PPARGC1B: variants seen among roughly 807,000 people sequenced by gnomAD.
The protein encoded by PPARGC1B is PPARG coactivator 1 beta.
In PPARGC1B, 34 loss-of-function variants were observed where a neutral mutation model predicts 101.6. The observed-to-expected ratio is 0.33, with a 90% CI of 0.25 to 0.45. PPARGC1B has a LOEUF of 0.45. Among genes scored for constraint, PPARGC1B ranks in the 20% least tolerant of loss-of-function variants. PPARGC1B has a pLI of 1.00. For missense variants in PPARGC1B, 1,234 were observed against 1,317.6 expected (o/e 0.94, Z 0.98); for synonymous variants, 548 against 539.3 (o/e 1.02, Z -0.22).
chr5:149,772,584 C>T lies in PPARGC1B; in HGVS notation c.78+42164C>T, dbSNP rs569181567. ...CTCTCCTTGGCTTGTAGATGGGCAT[C>T]TTTCCCCTGTGAGTTCACGTGGTCT... On this transcript the variant is annotated intron_variant, in intron 1 of 11. Transcript: ENST00000309241. Among the ~76,000 whole-genome samples the T allele has an allele frequency of 2.0e-5, 3 of 152,292 alleles. 1 individual carries two copies. In the South Asian group the frequency reaches 6.2e-4, roughly 32 times the overall value.
At position 149,772,314 on chromosome 5, in the gene PPARGC1B, G is replaced by A. The variant is rs534689282; in HGVS notation, c.78+41894G>A. Among the ~76,000 whole-genome samples, 9 of 152,306 alleles carry A rather than the reference G, an allele frequency of 5.9e-5. No homozygotes were observed. The East Asian group carries it at 9.6e-4, about 16-fold the overall frequency. ...GTGTGCGTGATGTGCTGGCTGTCTCGGGATGCGGTGTTTGTGCTGGTGATG... is the reference window on the plus strand; with the variant it reads ...GTGTGCGTGATGTGCTGGCTGTCTCAGGATGCGGTGTTTGTGCTGGTGATG... On this transcript the variant is annotated intron_variant, in intron 1 of 11. Coordinates refer to ENST00000309241, the MANE Select transcript of PPARGC1B (RefSeq NM_133263.4).
At position 149,847,365 on chromosome 5, in the gene PPARGC1B, G is replaced by A. The variant is rs558951934; in HGVS notation, c.2972-93G>A. 3.2e-6 allele frequency: 3 copies of A among 929,534 alleles called. No individual in the cohort carries two copies. In the East Asian group the frequency reaches 7.2e-5, roughly 22 times the overall value. The allele number at this position is 929,534 out of a possible 1,614,324, so 57.6% of individuals were successfully genotyped here. ...CCTTGGGCTGCAGCCACTCCACGGT[G>A]CCCACTCATAGTGGCAGATTCTTCA... On this transcript the variant is annotated intron_variant, in intron 11 of 11. Coordinates refer to ENST00000309241, the MANE Select transcript of PPARGC1B (RefSeq NM_133263.4).
rs369017642 is a variant in PPARGC1B, at chr5:149,847,486, G to A, written c.3000G>A (p.Ala1000=). The A allele has an allele frequency of 4.3e-5, 69 of 1,614,068 alleles. No homozygotes were observed. The highest frequency in any genetic ancestry group is 1.2e-4 in the South Asian group (11 of 91,082). Reference sequence around the variant, plus strand: ...CCAATTCAGAAGAGGCCCTTCCTGCGTCAGGGAAAAGCAAGTATGAAGCCA... The same window carrying A: ...CCAATTCAGAAGAGGCCCTTCCTGCATCAGGGAAAAGCAAGTATGAAGCCA... ...YDSNSEEALP[A]SGKSKYEAMD... The change falls in exon 12 of 12, where the codon GCG becomes GCA. Residue 1000 remains alanine (A), a synonymous_variant. Transcript: ENST00000309241.
chr5:149,807,698 G>A (rs1460977311), intron 1 of PPARGC1B, among the ~76,000 whole-genome samples: 1 of 152,182 alleles, frequency 6.6e-6, no homozygotes, highest in African/African-American at 2.4e-5. Flanking sequence ...TTTAATAACA[G>A]TTCCTGGAGA....
rs1327144221 is a variant in PPARGC1B, at chr5:149,833,795, G to T, written c.1705+17G>T. 2 of 1,474,996 alleles carry T rather than the reference G, an allele frequency of 1.4e-6. No individual in the cohort carries two copies. The highest frequency in any genetic ancestry group is 1.8e-6 in the Non-Finnish European group (2 of 1,117,130). 91.4% of individuals were successfully genotyped at this position (1,474,996 alleles called of 1,614,324 possible). ...CTCCCAGAGGTAGTCAGAGTTGGTG[G>T]TCTGCGAAGTGGGGGCAGGGATGGG... On this transcript the variant is annotated intron_variant, in intron 5 of 11. Transcript: ENST00000309241. This position sits in a 1 kb window ranked among gnomAD's most constrained non-coding sequence, Gnocchi z 4.1.
rs1388237656 is a variant in PPARGC1B at position 149,851,346 on chromosome 5, C to T, written c.*3788C>T. On this transcript the variant is annotated 3_prime_UTR_variant, in exon 12 of 12. Transcript: ENST00000309241. ...TCTGCATGGACAGCTCAGTCCATGG[C>T]CCATCCCAGGTATAGAGTTCAGTTA... is the stretch of plus-strand genomic sequence containing the variant. The T allele has an allele frequency of 6.6e-6, 1 of 152,156 alleles. No individual in the cohort carries two copies. The allele number at this position is 152,156 out of a possible 1,614,324, so 9.4% of individuals were successfully genotyped here.
intron 1 of PPARGC1B, among the ~76,000 whole-genome samples, chr5:149,780,422 G>C (rs10051894): frequency 9.9e-5 from 15 of 152,090 alleles, no homozygotes; most frequent in African/African-American, 2.9e-4. Flanking sequence ...GCTCTCCACT[G>C]TCTCAGCATT....
chr5:149,772,295 G>A (rs1756163449), intron 1 of PPARGC1B, among the ~76,000 whole-genome samples: 1 of 152,168 alleles, frequency 6.6e-6, no homozygotes, highest in Admixed American at 6.5e-5. Context: ...GGTAGTGTGC[G>A]TGATGTGCTG....
chr5:149,771,216 C>T (rs114510479), intron 1 of PPARGC1B, among the ~76,000 whole-genome samples: 2,315 of 152,316 alleles, frequency 0.015, 76 homozygotes, highest in African/African-American at 0.054. Context: ...TGCAGGCAGC[C>T]ACTGCCTGGT....
chr5:149,812,439 T>C (rs996561909), intron 1 of PPARGC1B, among the ~76,000 whole-genome samples: 1 of 147,582 alleles, frequency 6.8e-6, no homozygotes, highest in East Asian at 1.9e-4. Context: ...TGGGTTTTTT[T>C]CATAAGGTAA....
At chr5:149,733,818 A>G (rs1044020716) in intron 1 of PPARGC1B, among the ~76,000 whole-genome samples, 4 of 152,370 alleles carry the variant, frequency 2.6e-5, no homozygotes, top group African/African-American at 9.6e-5. Flanking sequence ...TCATAGATGC[A>G]CAAAATGTCA....
intron 1 of PPARGC1B, among the ~76,000 whole-genome samples, chr5:149,801,076 G>GGA (rs773185607): frequency 1.3e-5 from 2 of 152,136 alleles, no homozygotes; most frequent in Non-Finnish European, 2.9e-5. Flanking sequence ...TAGGGGATGA[G>GGA]GAGAGAGAGA....
intron 1 of PPARGC1B, among the ~76,000 whole-genome samples, chr5:149,807,175 A>G (rs1004761147): frequency 3.3e-5 from 5 of 151,634 alleles, no homozygotes; most frequent in Non-Finnish European, 5.9e-5. Context: ...CACGTTGCTC[A>G]GACTAAAATT....
At chr5:149,784,560 C>CTT (rs72364863) in intron 1 of PPARGC1B, among the ~76,000 whole-genome samples, 1,052 of 75,684 alleles carry the variant, frequency 0.014, 64 homozygotes, top group Non-Finnish European at 0.019. Context: ...AACTGAGTTT[C>CTT]TTTTTTTTTT....
At chr5:149,735,470 A>G (rs1464009413) in intron 1 of PPARGC1B, among the ~76,000 whole-genome samples, 1 of 152,226 alleles carries the variant, frequency 6.6e-6, no homozygotes, top group East Asian at 1.9e-4. Flanking sequence ...ATGCCTAACA[A>G]GAATATTGCA....
chr5:149,821,126 A>G (rs1012587362), intron 2 of PPARGC1B, among the ~76,000 whole-genome samples: 9 of 152,186 alleles, frequency 5.9e-5, no homozygotes, highest in Non-Finnish European at 1.0e-4. Flanking sequence ...ACTGGCATTT[A>G]TTGAGCAGCT....
At chr5:149,761,555 C>A (rs1755719230) in intron 1 of PPARGC1B, 1 of 151,992 alleles carries the variant, frequency 6.6e-6, no homozygotes, top group Non-Finnish European at 1.5e-5. Context: ...TTTACAACAG[C>A]CAAGATATGG....
intron 2 of PPARGC1B, 68 bp from the exon 3 acceptor site, chr5:149,826,605 T>C (rs1758531638): frequency 4.0e-6 from 5 of 1,242,634 alleles, no homozygotes; most frequent in East Asian, 4.7e-5. Flanking sequence ...CCGTGGAGAC[T>C]GAGTCTAAGG....
chr5:149,839,774 G>A (rs1014347985), intron 8 of PPARGC1B, among the ~76,000 whole-genome samples: 1 of 152,204 alleles, frequency 6.6e-6, no homozygotes, highest in Non-Finnish European at 1.5e-5. Flanking sequence ...CTCAGAATGG[G>A]GTGGGATTAT....
Sources: allele counts gnomAD v4.1 joint callset (sites outside exome capture counted in the v4.1 genomes callset), GRCh38; gene constraint gnomAD v4.1.1; non-coding constraint Gnocchi (gnomAD v3.1); transcripts MANE v1.5; gene names NCBI Gene and HGNC (gene_info 2026-07-23, HGNC 2026-07-21).